The following GRIN2D variants were observed in gnomAD, a reference collection of about 807,000 sequenced individuals.
GRIN2D encodes the protein glutamate ionotropic receptor NMDA type subunit 2D.
Under a neutral mutation model 103.2 loss-of-function variants are expected in GRIN2D, and 37 were observed. That is an observed-to-expected ratio of 0.36 (90% confidence interval 0.28 to 0.47). The LOEUF is 0.47. Among genes scored for constraint, GRIN2D ranks in the 20% least tolerant of loss-of-function variants. The pLI is 1.00. For synonymous variants in GRIN2D, 845 were observed against 885.6 expected (o/e 0.95, Z 0.81); for missense variants, 1,557 against 1,910.6 (o/e 0.81, Z 3.45).
In GRIN2D at chr19:48,416,203, G is replaced by A. The variant is rs760488803; in HGVS notation, c.1735+48G>A. On this transcript the variant is annotated intron_variant, in intron 8 of 13. Transcript: ENST00000263269. ...GGAGCTAGCCCTAGGCAAAGTAGCC[G>A]TCCCCAACCGTGTGGGCCCTGGGAT... 17 of 1,560,606 alleles carry A rather than the reference G, an allele frequency of 1.1e-5. No homozygotes were observed. In the Admixed American group the frequency reaches 2.0e-4, roughly 19 times the overall value.
rs957059442 is a variant in GRIN2D at position 48,436,158 on chromosome 19, G to A, written c.2253-5611G>A. ...TTCACGCAGAGCCGGCTGTGTGGGA[G>A]ACCGGAGTTTTATTATCACTCACAT... is the stretch of plus-strand genomic sequence containing the variant. On this transcript the variant is annotated intron_variant, in intron 11 of 13. Transcript: ENST00000263269. Among the ~76,000 whole-genome samples the A allele has an allele frequency of 2.0e-5, 3 of 152,210 alleles. No homozygotes were observed. The East Asian group carries it at 5.8e-4, about 29-fold the overall frequency.
At chr19:48,437,031 CAAGA>C (rs1313550554) in intron 11 of GRIN2D, among the ~76,000 whole-genome samples, 1 of 152,138 alleles carries the variant, frequency 6.6e-6, no homozygotes, top group African/African-American at 2.4e-5. Context: ...TGGGAACAAA[CAAGA>C]AAGAAAGGAC....
intron 3 of GRIN2D, among the ~76,000 whole-genome samples, chr19:48,402,533 A>T (rs911662378): frequency 6.6e-6 from 1 of 151,072 alleles, no homozygotes; most frequent in African/African-American, 2.4e-5. Context: ...CTGGCTAACA[A>T]GGTGAAACCC....
At chr19:48,441,632 A>C (rs1271024617) in intron 11 of GRIN2D, 137 bp from the exon 12 acceptor site, 1 of 627,040 alleles carries the variant, frequency 1.6e-6, no homozygotes, top group Non-Finnish European at 2.8e-6. Context: ...GGCACTGAGA[A>C]GTGCAATGAT....
At position 48,398,460 on chromosome 19, in the gene GRIN2D, C is replaced by T; in HGVS notation, c.68C>T (p.Ala23Val). Residue 23 changes from alanine (A) to valine (V), a missense_variant, in exon 3 of 14, where the codon GCC (alanine) becomes GTC (valine). This residue lies in a region of GRIN2D where 490 missense variants were observed against 601.1 expected (regional missense o/e 0.82). Coordinates refer to ENST00000263269, the MANE Select transcript of GRIN2D (RefSeq NM_000836.4). Reference protein sequence around the residue: ...PAKMLLLLALACASPFPEEAP... With the variant: ...PAKMLLLLALVCASPFPEEAP... ...AAGATGCTGCTGCTGCTGGCGCTGGCCTGCGCCAGCCCGTTCCCGGAGGAG... is the reference window on the plus strand; with the variant it reads ...AAGATGCTGCTGCTGCTGGCGCTGGTCTGCGCCAGCCCGTTCCCGGAGGAG... The T allele has an allele frequency of 9.4e-7, 1 of 1,068,498 alleles. No individual in the cohort carries two copies. Among genetic ancestry groups the T allele is most frequent in the Non-Finnish European group, 1.1e-6 (1 of 884,332 alleles). 66.2% of individuals were successfully genotyped at this position (1,068,498 alleles called of 1,614,324 possible).
intron 3 of GRIN2D, among the ~76,000 whole-genome samples, chr19:48,401,003 GTTGCAGTGAGCCGAGA>G (rs1202319046): frequency 6.6e-6 from 1 of 151,300 alleles, no homozygotes; most frequent in African/African-American, 2.4e-5. Context: ...GGAGGCGGAG[GTTGCAGTGAGCCGAGA>G]TTGCAGTGAG....
intron 4 of GRIN2D, among the ~76,000 whole-genome samples, chr19:48,409,357 C>T (rs1311685962): frequency 1.4e-5 from 2 of 143,248 alleles, no homozygotes; most frequent in Admixed American, 7.4e-5. Flanking sequence ...TGGCTCATTG[C>T]AACCTCCACC....
rs1266825317 is a variant in GRIN2D at position 48,405,177 on chromosome 19, G to A, written c.909G>A (p.Gly303=). 6.3e-7 allele frequency: 1 copy of A among 1,596,574 alleles called. No individual in the cohort carries two copies. The highest frequency in any genetic ancestry group is 1.7e-5 in the Admixed American group (1 of 58,366). ...LLPGGAPLPA[G]LFAVRSAGWR... ...CAGGAGGCGCCCCCCTGCCTGCCGG[G>A]CTGTTTGCAGTGCGCTCGGCTGGCT... The change falls in exon 4 of 14, where the codon GGG becomes GGA. Residue 303 remains glycine (G), a synonymous_variant. Transcript: ENST00000263269. This position sits in a 1 kb window ranked among gnomAD's most constrained non-coding sequence, Gnocchi z 5.1.
chr19:48,419,535 C>A, intron 9 of GRIN2D, 50 bp from the exon 10 acceptor site: 1 of 1,420,982 alleles, frequency 7.0e-7, no homozygotes, highest in Non-Finnish European at 9.8e-7. Context: ...TTTTCCCTTC[C>A]TTATTGAGAA....
chr19:48,401,097 A>C (rs1206922378), intron 3 of GRIN2D, among the ~76,000 whole-genome samples: 1 of 147,224 alleles, frequency 6.8e-6, no homozygotes, highest in Admixed American at 6.8e-5. Flanking sequence ...AAAAAAAAAA[A>C]CAATAAACAA....
intron 3 of GRIN2D, among the ~76,000 whole-genome samples, chr19:48,401,532 C>T (rs562372504): frequency 6.6e-6 from 1 of 152,088 alleles, no homozygotes; most frequent in Non-Finnish European, 1.5e-5. Flanking sequence ...AAGGACAAAG[C>T]CCTTGAAGCA....
chr19:48,410,662 T>C (rs1486091291), intron 4 of GRIN2D, among the ~76,000 whole-genome samples: 1 of 147,868 alleles, frequency 6.8e-6, no homozygotes, highest in Admixed American at 6.8e-5. Flanking sequence ...AGGAGACGGG[T>C]GGCGTGAGTT....
intron 11 of GRIN2D, among the ~76,000 whole-genome samples, chr19:48,426,220 C>CTTTTTTT (rs1253186603): frequency 2.4e-5 from 3 of 127,108 alleles, no homozygotes; most frequent in African/African-American, 1.0e-4. Context: ...TTCTTTCTTT[C>CTTTTTTT]TTTCTTTTTT....
chr19:48,443,073 C>T lies in GRIN2D; in HGVS notation c.3147C>T (p.Ala1049=), dbSNP rs1971323980. 1.9e-6 allele frequency: 2 copies of T among 1,036,874 alleles called. No homozygotes were observed. Among genetic ancestry groups the T allele is most frequent in the African/African-American group, 1.7e-5 (1 of 57,664 alleles). 64.2% of individuals were successfully genotyped at this position (1,036,874 alleles called of 1,614,324 possible). ...TAVGPPLCRL[A]FEDESPPAPA... is the part of the protein sequence containing the mutation. ...TCGGGCCGCCACTCTGCCGCTTGGC[C>T]TTCGAGGACGAGAGCCCGCCGGCGC... Residue 1049 remains alanine, a synonymous_variant, in exon 14 of 14, where the codon GCC becomes GCT. Transcript: ENST00000263269. This position sits in a 1 kb window ranked among gnomAD's most constrained non-coding sequence, Gnocchi z 8.9.
In GRIN2D at chr19:48,404,879, T is replaced by C. The variant is rs1970764820; in HGVS notation, c.611T>C (p.Ile204Thr). 2.5e-6 allele frequency: 4 copies of C among 1,614,164 alleles called. No individual in the cohort carries two copies. The highest frequency in any genetic ancestry group is 1.3e-5 in the African/African-American group (1 of 75,074). Residue 204 changes from isoleucine (I) to threonine (T), a missense_variant, in exon 4 of 14, where the codon ATT (isoleucine) becomes ACT (threonine). Ile to Thr is a moderately conservative substitution (Grantham distance 89). Transcript: ENST00000263269. ...GGCCACCGGGCCTTCCTGTCCTACA[T>C]TGAGGTGCTGACTGACGGTAGTCTG... ...APGHRAFLSY[I>T]EVLTDGSLVG...
At chr19:48,404,700 C>T (rs772300429) in intron 3 of GRIN2D, 34 bp from the exon 4 acceptor site, 3 of 1,549,666 alleles carry the variant, frequency 1.9e-6, no homozygotes, top group South Asian at 2.5e-5. Context: ...GTCCCCACAT[C>T]GGCAGGCCTG....
intron 4 of GRIN2D, among the ~76,000 whole-genome samples, chr19:48,412,827 T>TAAA (rs201379585): frequency 3.0e-5 from 3 of 98,914 alleles, no homozygotes; most frequent in Non-Finnish European, 6.3e-5. Context: ...AACCACACAT[T>TAAA]AAAAAAAAAA....
intron 8 of GRIN2D, among the ~76,000 whole-genome samples, chr19:48,416,710 G>A (rs1276265362): frequency 2.0e-5 from 3 of 151,132 alleles, no homozygotes; most frequent in Non-Finnish European, 2.9e-5. Flanking sequence ...TGTGAAGGAG[G>A]CAGAAGATAA....
chr19:48,426,224 C>CTTTTTTTTTTTTTTTTTTTTTTT (rs369360320), intron 11 of GRIN2D, among the ~76,000 whole-genome samples: 15 of 120,116 alleles, frequency 1.2e-4, no homozygotes, highest in African/African-American at 2.9e-4. Flanking sequence ...TTCTTTCTTT[C>CTTTTTTTTTTTTTTTTTTTTTTT]TTTTTTTTTT....
Sources: allele counts gnomAD v4.1 joint callset (sites outside exome capture counted in the v4.1 genomes callset), GRCh38; gene constraint gnomAD v4.1.1; regional missense constraint gnomAD v4.1.1; non-coding constraint Gnocchi (gnomAD v3.1); transcripts MANE v1.5; gene names NCBI Gene and HGNC (gene_info 2026-07-23, HGNC 2026-07-21).